The following ENTPD1 variants were observed in gnomAD, a reference collection of about 807,000 sequenced individuals.
ENTPD1 encodes the protein ectonucleoside triphosphate diphosphohydrolase 1.
A neutral mutation model predicts 57.0 loss-of-function variants in ENTPD1; 33 were observed. The ratio of observed to expected loss-of-function variants is 0.58; its 90% CI spans 0.44 to 0.77. The LOEUF is 0.77. Among genes scored for constraint, ENTPD1 ranks in the 30% least tolerant of loss-of-function variants. The pLI, the probability that ENTPD1 is intolerant of heterozygous loss-of-function variation, is 0.00. For missense variants in ENTPD1, 501 were observed against 603.4 expected (o/e 0.83, Z 1.78); for synonymous variants, 202 against 218.8 (o/e 0.92, Z 0.68).
At chr10:95,703,608 G>T in the ENTPD1 span, among the ~76,000 whole-genome samples, 2 of 151,290 alleles carry the variant, frequency 1.3e-5, no homozygotes, top group South Asian at 4.2e-4. Context: ...ATGGTGAAAC[G>T]CTGTCTCTAC....
At chr10:95,826,547 G>C (rs186603465) in intron 2 of ENTPD1, among the ~76,000 whole-genome samples, 8 of 145,820 alleles carry the variant, frequency 5.5e-5, no homozygotes, top group African/African-American at 2.1e-4. Flanking sequence ...ACTCTAGCTT[G>C]GGCTACAGAG....
intron 1 of ENTPD1, among the ~76,000 whole-genome samples, chr10:95,738,468 G>C (rs1222177223): frequency 6.6e-6 from 1 of 152,172 alleles, no homozygotes; most frequent in African/African-American, 2.4e-5. Flanking sequence ...CTGTCCAAAG[G>C]CTTAGGTCCC....
chr10:95,696,273 T>C, the ENTPD1 span, among the ~76,000 whole-genome samples: 1 of 152,222 alleles, frequency 6.6e-6, no homozygotes, highest in Admixed American at 6.5e-5. Context: ...TATTTATTGA[T>C]TTAATTAATT....
At chr10:95,773,409 G>A (rs2098122337) in intron 1 of ENTPD1, among the ~76,000 whole-genome samples, 1 of 152,066 alleles carries the variant, frequency 6.6e-6, no homozygotes, top group African/African-American at 2.4e-5. Flanking sequence ...GTAATATTTT[G>A]GAAGGAATTT....
At chr10:95,862,372 A>G (rs1162623955) in intron 8 of ENTPD1, among the ~76,000 whole-genome samples, 1 of 152,206 alleles carries the variant, frequency 6.6e-6, no homozygotes, top group Non-Finnish European at 1.5e-5. Flanking sequence ...TCCTAACTTC[A>G]TCATGGACTG....
At chr10:95,698,692 A>G in the ENTPD1 span, among the ~76,000 whole-genome samples, 1 of 152,230 alleles carries the variant, frequency 6.6e-6, no homozygotes. Flanking sequence ...CACCGGCAAG[A>G]TGGCTCTCAC....
At chr10:95,855,983 T>G (rs1354913903) in intron 7 of ENTPD1, among the ~76,000 whole-genome samples, 1 of 152,240 alleles carries the variant, frequency 6.6e-6, no homozygotes, top group Admixed American at 6.5e-5. Flanking sequence ...AATGTTGGCT[T>G]GCCTTGCTAG....
intron 1 of ENTPD1, among the ~76,000 whole-genome samples, chr10:95,758,507 T>G (rs1566111453): frequency 6.6e-6 from 1 of 152,216 alleles, no homozygotes; most frequent in South Asian, 2.1e-4. Context: ...AAGTCTAGAT[T>G]AGCCCCCATC....
At chr10:95,733,168 T>C (rs946416990) in intron 1 of ENTPD1, among the ~76,000 whole-genome samples, 2 of 152,180 alleles carry the variant, frequency 1.3e-5, no homozygotes, top group Non-Finnish European at 2.9e-5. Context: ...TGGGAATGCA[T>C]TCTCTTTCTC....
rs557788163 is a variant in ENTPD1, at chr10:95,868,480, T to C, written c.*2097T>C. 2.3e-4 allele frequency: 227 copies of C among 985,440 alleles called. 3 individuals carry two copies. In the South Asian group the frequency reaches 9.0e-3, roughly 39 times the overall value. The allele number at this position is 985,440 out of a possible 1,614,324, so 61.0% of individuals were successfully genotyped here. Reference sequence around the variant, plus strand: ...CTAATTTTAATGTTTGCTCACAGCATAGTAGATTGACATCAAATAGTGGCC... The same window carrying C: ...CTAATTTTAATGTTTGCTCACAGCACAGTAGATTGACATCAAATAGTGGCC... On this transcript the variant is annotated 3_prime_UTR_variant, in exon 10 of 10. Transcript: ENST00000371205.
chr10:95,723,801 T>C (rs1390241327), intron 1 of ENTPD1, among the ~76,000 whole-genome samples: 2 of 151,916 alleles, frequency 1.3e-5, no homozygotes, highest in Non-Finnish European at 2.9e-5. Context: ...CCCAGGAAAA[T>C]TGAAAGCGGA....
intron 6 of ENTPD1, 130 bp from the exon 7 acceptor site, chr10:95,847,316 G>A (rs952469610): frequency 6.6e-5 from 71 of 1,070,042 alleles, no homozygotes; most frequent in Non-Finnish European, 9.3e-5. Context: ...AAAAAGGCAG[G>A]GCAGGACATA....
intron 7 of ENTPD1, among the ~76,000 whole-genome samples, chr10:95,848,544 C>T (rs867360989): frequency 6.6e-6 from 1 of 152,244 alleles, no homozygotes; most frequent in Middle Eastern, 3.4e-3. Flanking sequence ...AATCTCAGTG[C>T]TGTACATTTG....
rs2098477533 is a variant in ENTPD1 at position 95,869,137 on chromosome 10, T to TA, written c.*2756dup. 2.0e-6 allele frequency: 2 copies of TA among 985,006 alleles called. No individual in the cohort carries two copies. Among genetic ancestry groups the TA allele is most frequent in the Admixed American group, 6.2e-5 (1 of 16,250 alleles). The allele number at this position is 985,006 out of a possible 1,614,324, so 61.0% of individuals were successfully genotyped here. A position where few individuals can be genotyped will look rare whatever the true frequency, so the allele number is the denominator to read the frequency against. On this transcript the variant is annotated 3_prime_UTR_variant, in exon 10 of 10. Transcript: ENST00000371205. ...CCCAGGACTCAAAACTTGGTTCTGC[T>TA]AACCCTGTTCCTTTATGAGGAACCT...
intron 1 of ENTPD1, among the ~76,000 whole-genome samples, chr10:95,763,437 A>G (rs1210061650): frequency 6.6e-6 from 1 of 152,102 alleles, no homozygotes; most frequent in Non-Finnish European, 1.5e-5. Context: ...ATGGCTTTAT[A>G]ATTTCTGAGG....
rs1420863883 is a variant in ENTPD1 at position 95,871,427 on chromosome 10, T to C, written c.*5044T>C. 4.1e-6 allele frequency: 4 copies of C among 985,328 alleles called. No individual in the cohort carries two copies. The East Asian group carries it at 3.4e-4, about 84-fold the overall frequency. The allele number at this position is 985,328 out of a possible 1,614,324, so 61.0% of individuals were successfully genotyped here. On this transcript the variant is annotated 3_prime_UTR_variant, in exon 10 of 10. Coordinates refer to ENST00000371205, the MANE Select transcript of ENTPD1 (RefSeq NM_001776.6). ...ACATTAGCCTCGCATTCTAAACTGG[T>C]AGATGTCCTAGGAAACCATACATCT... is the stretch of plus-strand genomic sequence containing the variant.
chr10:95,833,963 G>A (rs566941314), intron 2 of ENTPD1, among the ~76,000 whole-genome samples: 17 of 152,366 alleles, frequency 1.1e-4, no homozygotes, highest in African/African-American at 2.9e-4. Context: ...ACCTCCTGAT[G>A]CTGATGCATT....
chr10:95,872,905 C>T lies in ENTPD1; in HGVS notation c.*6522C>T, dbSNP rs183751146. ...TGGAACTTTTCCTTTTTGGAACATGCCTTTAGTTTCTGTGTAGTTTGCCAT... is the reference window on the plus strand; with the variant it reads ...TGGAACTTTTCCTTTTTGGAACATGTCTTTAGTTTCTGTGTAGTTTGCCAT... On this transcript the variant is annotated 3_prime_UTR_variant, in exon 10 of 10. Transcript: ENST00000371205. 317 of 985,348 alleles carry T rather than the reference C, an allele frequency of 3.2e-4. 1 individual carries two copies. The African/African-American group carries it at 4.2e-3, about 13-fold the overall frequency. 61.0% of individuals were successfully genotyped at this position (985,348 alleles called of 1,614,324 possible).
At chr10:95,848,989 C>G (rs933721657) in intron 7 of ENTPD1, among the ~76,000 whole-genome samples, 2 of 152,140 alleles carry the variant, frequency 1.3e-5, no homozygotes, top group South Asian at 4.1e-4. Context: ...GGAGGAGGAG[C>G]AGCAGTTAGA....
Sources: gnomAD v4.1 joint callset for allele counts (sites outside exome capture counted in the v4.1 genomes callset) on GRCh38, gnomAD v4.1.1 for gene constraint, MANE v1.5 for transcripts, NCBI Gene and HGNC (gene_info 2026-07-23, HGNC 2026-07-21) for gene names.